RAB3IP: variants seen among roughly 807,000 people sequenced by gnomAD.
RAB3IP encodes rab-3A-interacting protein.
In RAB3IP, 36 loss-of-function variants were observed where a neutral mutation model predicts 59.1. That is an observed-to-expected ratio of 0.61 (90% CI 0.47 to 0.80). RAB3IP has a LOEUF of 0.80. Among genes scored for constraint, RAB3IP ranks in the 30% least tolerant of loss-of-function variants. The pLI is 0.00. For synonymous variants in RAB3IP, 207 were observed against 191.2 expected (o/e 1.08, Z -0.68); for missense variants, 511 against 536.0 (o/e 0.95, Z 0.46).
At chr12:69,796,395 A>AT (rs2136233867) in intron 6 of RAB3IP, 1 of 317,310 alleles carries the variant, frequency 3.2e-6, no homozygotes, top group African/African-American at 2.1e-5. Flanking sequence ...TAGAGTAAAA[A>AT]TTTTTAATCA....
intron 1 of RAB3IP, among the ~76,000 whole-genome samples, chr12:69,746,502 C>T (rs1363011538): frequency 6.6e-6 from 1 of 152,178 alleles, no homozygotes; most frequent in Non-Finnish European, 1.5e-5. Flanking sequence ...CCCCACAACC[C>T]TCAGAATAAT....
intron 3 of RAB3IP, among the ~76,000 whole-genome samples, chr12:69,763,053 C>T (rs1871617044): frequency 6.6e-6 from 1 of 152,126 alleles, no homozygotes; most frequent in Admixed American, 6.5e-5. Flanking sequence ...TTTAGTTCAT[C>T]CTTAAAGAAC....
chr12:69,749,854 T>C (rs1175121188), intron 1 of RAB3IP, among the ~76,000 whole-genome samples: 1 of 152,234 alleles, frequency 6.6e-6, no homozygotes, highest in Non-Finnish European at 1.5e-5. Flanking sequence ...TCTAATAGGC[T>C]GTTTGAAGGC....
rs546871708 is a variant in RAB3IP at position 69,759,944 on chromosome 12, C to T, written c.510+3281C>T. On this transcript the variant is annotated intron_variant, in intron 3 of 10. Coordinates refer to ENST00000247833, the MANE Select transcript of RAB3IP (RefSeq NM_022456.5). ...CCCCACATCTCAGACGATGGGTGGC[C>T]GGGCAGAGACGCTCCTCACTTCCCA... Among the ~76,000 whole-genome samples the T allele has an allele frequency of 2.2e-3, 338 of 150,372 alleles. 1 individual carries two copies. Among genetic ancestry groups the T allele is most frequent in the South Asian group, 6.4e-3 (31 of 4,820 alleles).
At chr12:69,758,707 T>C (rs1036325633) in intron 3 of RAB3IP, among the ~76,000 whole-genome samples, 3 of 144,870 alleles carry the variant, frequency 2.1e-5, no homozygotes, top group African/African-American at 5.1e-5. Flanking sequence ...AATCTTTACA[T>C]AGATAAACAT....
chr12:69,797,988 G>A (rs1877783544), intron 6 of RAB3IP, among the ~76,000 whole-genome samples: 1 of 152,152 alleles, frequency 6.6e-6, no homozygotes, highest in African/African-American at 2.4e-5. Flanking sequence ...AAACATACGT[G>A]TGCGTGTGTC....
chr12:69,745,608 A>ATTTC, intron 1 of RAB3IP, among the ~76,000 whole-genome samples: 1 of 152,350 alleles, frequency 6.6e-6, no homozygotes, highest in African/African-American at 2.4e-5. Flanking sequence ...TGTCTTTGTG[A>ATTTC]AAGTAAGAGA....
intron 1 of RAB3IP, among the ~76,000 whole-genome samples, chr12:69,742,248 C>CT (rs1887417492): frequency 6.6e-6 from 1 of 152,122 alleles, no homozygotes; most frequent in African/African-American, 2.4e-5. Flanking sequence ...TCACACTAAA[C>CT]TTTTTTCCGA....
At chr12:69,769,208 A>G (rs960224527) in intron 3 of RAB3IP, among the ~76,000 whole-genome samples, 2 of 152,146 alleles carry the variant, frequency 1.3e-5, no homozygotes, top group Admixed American at 6.5e-5. Flanking sequence ...AGTCTTGGGT[A>G]TGTCTTTATC....
intron 8 of RAB3IP, among the ~76,000 whole-genome samples, chr12:69,809,519 C>T (rs1453246133): frequency 5.9e-5 from 9 of 152,162 alleles, no homozygotes; most frequent in Non-Finnish European, 7.4e-5. Context: ...CCATTCTCCC[C>T]GTCACTTTCA....
chr12:69,773,168 A>G (rs1390968299), intron 3 of RAB3IP, among the ~76,000 whole-genome samples: 1 of 151,988 alleles, frequency 6.6e-6, no homozygotes, highest in Non-Finnish European at 1.5e-5. Flanking sequence ...TGCCAGGCAT[A>G]TTGGAATTCT....
In RAB3IP at chr12:69,819,730, G is replaced by A. The variant is rs1881500383; in HGVS notation, c.*4284G>A. ...AAAGAAGAGGAGGACTCTTGGACAA[G>A]TTTTTAGAAGTTGGTTTGGAGCTGG... On this transcript the variant is annotated 3_prime_UTR_variant, in exon 11 of 11. Transcript: ENST00000247833. 1.3e-5 allele frequency: 2 copies of A among 152,302 alleles called. No homozygotes were observed. Among genetic ancestry groups the A allele is most frequent in the African/African-American group, 4.8e-5 (2 of 41,470 alleles). 9.4% of individuals were successfully genotyped at this position (152,302 alleles called of 1,614,324 possible).
chr12:69,812,725 TA>T, intron 8 of RAB3IP, 52 bp from the exon 9 acceptor site: 2 of 1,205,592 alleles, frequency 1.7e-6, no homozygotes, highest in Non-Finnish European at 2.4e-6. Flanking sequence ...GTACAGAAGG[TA>T]GGGGCAAATG....
chr12:69,758,472 C>T (rs1022564903), intron 3 of RAB3IP, among the ~76,000 whole-genome samples: 9 of 152,146 alleles, frequency 5.9e-5, no homozygotes, highest in South Asian at 2.1e-4. Flanking sequence ...GTTGCTTTAG[C>T]GTTTATAGTA....
At chr12:69,758,163 G>A (rs1433506729) in intron 3 of RAB3IP, among the ~76,000 whole-genome samples, 1 of 152,138 alleles carries the variant, frequency 6.6e-6, no homozygotes, top group Non-Finnish European at 1.5e-5. Flanking sequence ...TCTTAAGAGA[G>A]GCCATTTTCT....
At chr12:69,773,398 T>G (rs893506132) in intron 3 of RAB3IP, among the ~76,000 whole-genome samples, 12 of 117,890 alleles carry the variant, frequency 1.0e-4, no homozygotes, top group Admixed American at 4.6e-4. Context: ...CATTTGTCTT[T>G]CTTTTTTTTT....
At chr12:69,762,003 A>G (rs1453513696) in intron 3 of RAB3IP, among the ~76,000 whole-genome samples, 1 of 152,180 alleles carries the variant, frequency 6.6e-6, no homozygotes, top group African/African-American at 2.4e-5. Flanking sequence ...AGCTTCTTCT[A>G]AAAAACCTTG....
chr12:69,780,732 TCTG>T (rs1874551833), intron 3 of RAB3IP, among the ~76,000 whole-genome samples: 1 of 152,048 alleles, frequency 6.6e-6, no homozygotes, highest in Non-Finnish European at 1.5e-5. Context: ...AACTTTCAGG[TCTG>T]CTGCCAAGAC....
chr12:69,755,760 T>G (rs1488852058), intron 2 of RAB3IP, 101 bp downstream of exon 2: 6 of 948,686 alleles, frequency 6.3e-6, no homozygotes, highest in Non-Finnish European at 9.3e-6. Context: ...TTTGAATAAC[T>G]TAAGTGTGCC....
Sources: allele counts gnomAD v4.1 joint callset (sites outside exome capture counted in the v4.1 genomes callset), GRCh38; gene constraint gnomAD v4.1.1; transcripts MANE v1.5; gene names NCBI Gene and HGNC (gene_info 2026-07-23, HGNC 2026-07-21).